Variants in DPP6 observed in about 807,000 individuals in gnomAD.
The protein encoded by DPP6 is dipeptidyl peptidase like 6, also known as A-type potassium channel modulatory protein DPP6.
DPP6 carries 69 observed loss-of-function variants against 122.6 expected under a neutral mutation model. The ratio of observed to expected loss-of-function variants is 0.56; its 90% CI spans 0.46 to 0.69. DPP6 has a LOEUF of 0.69. Ranked by LOEUF, DPP6 falls within the 30% of genes least tolerant of loss-of-function variation. The probability of loss-of-function intolerance (pLI) is 0.00; values close to 1 mark genes in which losing one functional copy is unlikely to be tolerated. For missense variants in DPP6, 928 were observed against 1,116.9 expected, an observed-to-expected ratio of 0.83 and a Z score of 2.41; for synonymous variants, 418 against 433.1, an observed-to-expected ratio of 0.97 and a Z score of 0.43.
At chr7:154,105,302 A>T (rs1426747255) in intron 1 of DPP6, among the ~76,000 whole-genome samples, 1 of 152,180 alleles carries the variant, frequency 6.6e-6, no homozygotes, top group Non-Finnish European at 1.5e-5. Flanking sequence ...GGGATGGCCA[A>T]AAGAATCCAA....
intron 1 of DPP6, among the ~76,000 whole-genome samples, chr7:154,167,621 T>C (rs1000062949): frequency 6.6e-6 from 1 of 152,212 alleles, no homozygotes; most frequent in African/African-American, 2.4e-5. Context: ...TGCAGACCCT[T>C]CTGGGGACTG....
intron 1 of DPP6, among the ~76,000 whole-genome samples, chr7:154,351,166 T>G (rs776628253): frequency 2.6e-5 from 4 of 152,214 alleles, no homozygotes; most frequent in Admixed American, 6.5e-5. Flanking sequence ...TCACTGTGCT[T>G]CTACTTAAAG....
chr7:153,928,398 T>TTTTTTTTTTTTTTTTTTC (rs1801018569), intron 1 of DPP6, among the ~76,000 whole-genome samples: 1 of 38,984 alleles, frequency 2.6e-5, no homozygotes, highest in Non-Finnish European at 4.7e-5. Flanking sequence ...TTTCTTTCAT[T>TTTTTTTTTTTTTTTTTTC]TTTTTTTTTT....
intron 16 of DPP6, among the ~76,000 whole-genome samples, chr7:154,825,465 A>G (rs1433395174): frequency 1.3e-5 from 2 of 152,228 alleles, no homozygotes; most frequent in African/African-American, 4.8e-5. Flanking sequence ...CACTTATTCT[A>G]CCAGCTGTCA....
the DPP6 span, among the ~76,000 whole-genome samples, chr7:153,754,504 T>C: frequency 2.6e-5 from 4 of 152,312 alleles, no homozygotes; most frequent in South Asian, 2.1e-4. Context: ...AATATTTCAA[T>C]ACTATGTGCC....
At chr7:153,844,945 T>C in the DPP6 span, among the ~76,000 whole-genome samples, 1 of 152,208 alleles carries the variant, frequency 6.6e-6, no homozygotes, top group Non-Finnish European at 1.5e-5. Flanking sequence ...TGCTGTGAAA[T>C]ATTTGGCCAT....
intron 1 of DPP6, among the ~76,000 whole-genome samples, chr7:154,419,528 A>G (rs1174261056): frequency 6.6e-6 from 1 of 152,152 alleles, no homozygotes; most frequent in African/African-American, 2.4e-5. Flanking sequence ...ATTTGCGGGG[A>G]GAGGCGTGCC....
At chr7:154,266,021 A>G (rs1803396477) in intron 1 of DPP6, among the ~76,000 whole-genome samples, 1 of 152,028 alleles carries the variant, frequency 6.6e-6, no homozygotes, top group African/African-American at 2.4e-5. Flanking sequence ...GACATTGTAG[A>G]CTCATCCCCC....
intron 3 of DPP6, among the ~76,000 whole-genome samples, chr7:154,528,189 T>C (rs983189883): frequency 1.3e-5 from 2 of 152,198 alleles, no homozygotes; most frequent in Non-Finnish European, 2.9e-5. Context: ...AGCTTTCCTT[T>C]TGGAAATTTT....
At chr7:154,359,655 A>T (rs1315251831) in intron 1 of DPP6, among the ~76,000 whole-genome samples, 1 of 152,184 alleles carries the variant, frequency 6.6e-6, no homozygotes, top group Non-Finnish European at 1.5e-5. Flanking sequence ...AATGTCTGGC[A>T]TGGTGAGCCC....
chr7:153,924,194 C>T (rs760926839), intron 1 of DPP6, among the ~76,000 whole-genome samples: 5 of 151,836 alleles, frequency 3.3e-5, no homozygotes, highest in East Asian at 1.9e-4. Context: ...CTGTGATCTC[C>T]GCCTCCTGAG....
Position 154,101,123 on chromosome 7 carries a change from A to T in DPP6, c.243+48060A>T, listed in dbSNP as rs1313626739. On this transcript the variant is annotated intron_variant, in intron 1 of 25. Transcript: ENST00000377770. ...ACCAGTTGGACACTCACCAACCTGAATGCCATGTGGTGTTCTGGAAAGCTT... is the reference window on the plus strand; with the variant it reads ...ACCAGTTGGACACTCACCAACCTGATTGCCATGTGGTGTTCTGGAAAGCTT... Among the ~76,000 whole-genome samples, 2 of 137,292 alleles carry T rather than the reference A, an allele frequency of 1.5e-5. 1 individual carries two copies. The highest frequency in any genetic ancestry group is 5.0e-5 in the African/African-American group (2 of 39,724). 90.1% of individuals were successfully genotyped at this position (137,292 alleles called of 152,430 possible).
chr7:154,305,383 G>T, intron 1 of DPP6: 1 of 1,068,450 alleles, frequency 9.4e-7, no homozygotes, highest in Non-Finnish European at 1.1e-6. Context: ...TGTGATTTCG[G>T]AAGTATGGAC....
chr7:154,607,477 C>T (rs960074955), intron 5 of DPP6, among the ~76,000 whole-genome samples: 2 of 98,338 alleles, frequency 2.0e-5, no homozygotes, highest in African/African-American at 6.4e-5. Flanking sequence ...AGGAGAATGG[C>T]GTGAACCCAG....
chr7:153,793,690 G>C, the DPP6 span, among the ~76,000 whole-genome samples: 2 of 149,890 alleles, frequency 1.3e-5, no homozygotes. Flanking sequence ...AGGTCTTCAT[G>C]GTAGCCCCTC....
the DPP6 span, among the ~76,000 whole-genome samples, chr7:153,770,152 A>G: frequency 6.6e-6 from 1 of 152,172 alleles, no homozygotes; most frequent in East Asian, 1.9e-4. Flanking sequence ...ATGAAGGAAT[A>G]AAAAGTCTTA....
At chr7:154,423,629 T>C (rs1586226161) in intron 1 of DPP6, among the ~76,000 whole-genome samples, 1 of 152,354 alleles carries the variant, frequency 6.6e-6, no homozygotes. Context: ...CCAATTGTTA[T>C]TCTTTAGGCA....
At chr7:154,442,062 C>A (rs749547458) in intron 1 of DPP6, among the ~76,000 whole-genome samples, 1 of 152,218 alleles carries the variant, frequency 6.6e-6, no homozygotes, top group African/African-American at 2.4e-5. Context: ...TGGCCTCATT[C>A]ACGCAACTGG....
In DPP6 at chr7:154,305,495, A is replaced by G. The variant is rs747846615; in HGVS notation, c.244-140719A>G. The stretch of plus-strand genomic sequence containing the variant: ...GTGGTGGGAAGCGCCTGGACAGACC[A>G]TGACCACAGCCAAGGAGCCAAGCGC... On this transcript the variant is annotated intron_variant, in intron 1 of 25. Coordinates refer to ENST00000377770, the MANE Select transcript of DPP6 (RefSeq NM_130797.4). 6.2e-7 allele frequency: 1 copy of G among 1,602,838 alleles called. No homozygotes were observed. Among genetic ancestry groups the G allele is most frequent in the Non-Finnish European group, 8.5e-7 (1 of 1,175,000 alleles).
Sources: gnomAD v4.1 joint callset for allele counts (sites outside exome capture counted in the v4.1 genomes callset) on GRCh38, gnomAD v4.1.1 for gene constraint, MANE v1.5 for transcripts, NCBI Gene and HGNC (gene_info 2026-07-23, HGNC 2026-07-21) for gene names.